CPA6: variants seen among roughly 807,000 people sequenced by gnomAD.
The protein encoded by CPA6 is carboxypeptidase A6, also known as carboxypeptidase B.
In CPA6, 58 loss-of-function variants were observed where a neutral mutation model predicts 63.3. The observed-to-expected ratio is 0.92, with a 90% CI of 0.74 to 1.14. CPA6 has a LOEUF of 1.14. Ranked by LOEUF, CPA6 falls within the 50% of genes most tolerant of loss-of-function variation. The probability of loss-of-function intolerance (pLI) is 0.00; values close to 1 mark genes in which losing one functional copy is unlikely to be tolerated. For missense variants in CPA6, 565 were observed against 526.6 expected (o/e 1.07, Z -0.71); for synonymous variants, 185 against 179.0 (o/e 1.03, Z -0.27).
chr8:67,745,578 C>CA (rs367575021), intron 1 of CPA6, among the ~76,000 whole-genome samples: 6,151 of 148,922 alleles, frequency 0.041, 176 homozygotes, highest in Non-Finnish European at 0.056. Context: ...TAAGCACAGA[C>CA]AAAAAAAAAA....
In CPA6 at chr8:67,746,291, A is replaced by G; in HGVS notation, c.-162T>C. ...ACACTTCTCTCCAGCTACAAGGGAA[A>G]AAAAAAGTTCAGGCAGCTGAGGAAG... On this transcript the variant is annotated 5_prime_UTR_variant, in exon 1 of 11. Coordinates refer to ENST00000297770, the MANE Select transcript of CPA6 (RefSeq NM_020361.5). 2.0e-6 allele frequency: 1 copy of G among 493,240 alleles called. No individual in the cohort carries two copies. Among genetic ancestry groups the G allele is most frequent in the Non-Finnish European group, 3.7e-6 (1 of 271,594 alleles). 30.6% of individuals were successfully genotyped at this position (493,240 alleles called of 1,614,324 possible).
In CPA6 at chr8:67,514,400, T is replaced by TA. The variant is rs1367683808; in HGVS notation, c.318-2746dup. ...ACATGAGGTCACATTATCTCCACTT[T>TA]AAAAATCACTATAGCTATACATTAT... On this transcript the variant is annotated intron_variant, in intron 3 of 10. Transcript: ENST00000297770. Among the ~76,000 whole-genome samples, 5 of 152,318 alleles carry TA rather than the reference T, an allele frequency of 3.3e-5. No homozygotes were observed. The East Asian group carries it at 9.6e-4, about 29-fold the overall frequency.
intron 1 of CPA6, among the ~76,000 whole-genome samples, chr8:67,677,092 ACTC>A (rs1233902679): frequency 6.6e-6 from 1 of 151,872 alleles, no homozygotes; most frequent in Admixed American, 6.6e-5. Flanking sequence ...GTTAGTGCTG[ACTC>A]CTCCGTCAGG....
At chr8:67,677,343 T>TTC (rs368068578) in intron 1 of CPA6, among the ~76,000 whole-genome samples, 2 of 10,728 alleles carry the variant, frequency 1.9e-4, no homozygotes, top group African/African-American at 9.1e-4. Flanking sequence ...AAACACCTTC[T>TTC]TTTTTTTTTT....
At chr8:67,646,429 A>G (rs1356226865) in intron 1 of CPA6, among the ~76,000 whole-genome samples, 1 of 152,148 alleles carries the variant, frequency 6.6e-6, no homozygotes, top group Non-Finnish European at 1.5e-5. Flanking sequence ...TATTGGCTTC[A>G]TGGGATCGAA....
chr8:67,650,308 T>G (rs926060785), intron 1 of CPA6, among the ~76,000 whole-genome samples: 2 of 152,086 alleles, frequency 1.3e-5, no homozygotes, highest in African/African-American at 4.8e-5. Context: ...AGAAAATTAT[T>G]TGTATATAAA....
At position 67,610,161 on chromosome 8, in the gene CPA6, G is replaced by C. The variant is rs540499895; in HGVS notation, c.192+14015C>G. ...AGGCTGAGGCAGGAGGATTGCTTGA[G>C]CCCAGAAGTTCGAGACCAACCTGGG... On this transcript the variant is annotated intron_variant, in intron 2 of 10. Transcript: ENST00000297770. 9.9e-5 allele frequency among the ~76,000 whole-genome samples: 15 copies of C among 152,174 alleles called. 1 individual carries two copies. Among genetic ancestry groups the C allele is most frequent in the Non-Finnish European group, 2.1e-4 (14 of 68,030 alleles).
intron 2 of CPA6, among the ~76,000 whole-genome samples, chr8:67,595,887 C>T (rs575959683): frequency 6.6e-6 from 1 of 152,252 alleles, no homozygotes; most frequent in East Asian, 1.9e-4. Flanking sequence ...TGTGCTGCAC[C>T]CACTGTCCTG....
At chr8:67,543,147 G>A (rs1433556628) in intron 2 of CPA6, among the ~76,000 whole-genome samples, 2 of 152,158 alleles carry the variant, frequency 1.3e-5, no homozygotes, top group African/African-American at 2.4e-5. Context: ...TTTTTAGTGT[G>A]TAATGTTATA....
chr8:67,717,465 C>G (rs1423919018), intron 1 of CPA6, among the ~76,000 whole-genome samples: 1 of 152,174 alleles, frequency 6.6e-6, no homozygotes, highest in Non-Finnish European at 1.5e-5. Context: ...TAAAATTCTT[C>G]AAAAACATAC....
intron 1 of CPA6, among the ~76,000 whole-genome samples, chr8:67,684,001 G>GTGTATATATA (rs1214064613): frequency 9.4e-5 from 11 of 116,982 alleles, no homozygotes; most frequent in African/African-American, 3.4e-4. Flanking sequence ...ATTTTAAAAT[G>GTGTATATATA]TATATATATA....
chr8:67,694,318 G>A (rs1169806319), intron 1 of CPA6, among the ~76,000 whole-genome samples: 1 of 152,218 alleles, frequency 6.6e-6, no homozygotes, highest in Non-Finnish European at 1.5e-5. Flanking sequence ...TTTAGAGAAA[G>A]GCCTTGCCAT....
At chr8:67,549,189 T>C (rs1812886795) in intron 2 of CPA6, among the ~76,000 whole-genome samples, 1 of 152,138 alleles carries the variant, frequency 6.6e-6, no homozygotes, top group African/African-American at 2.4e-5. Flanking sequence ...ACAGAAATAA[T>C]CAGAAATATA....
chr8:67,441,570 C>A lies in CPA6; in HGVS notation c.839-7330G>T, dbSNP rs534756941. ...AAGAGCAGAGAAGGGCTTATCCTAC[C>A]AGGTATTAAAACATACATAGGTATA... On this transcript the variant is annotated intron_variant, in intron 8 of 10. Coordinates refer to ENST00000297770, the MANE Select transcript of CPA6 (RefSeq NM_020361.5). 5.9e-5 allele frequency among the ~76,000 whole-genome samples: 9 copies of A among 152,002 alleles called. No individual in the cohort carries two copies. The South Asian group carries it at 1.9e-3, about 31-fold the overall frequency.
At chr8:67,433,309 T>G (rs897889334) in intron 9 of CPA6, among the ~76,000 whole-genome samples, 22 of 152,214 alleles carry the variant, frequency 1.4e-4, no homozygotes, top group Admixed American at 5.9e-4. Context: ...TTAGTTTTTC[T>G]TGGTTTTTGA....
At position 67,424,321 on chromosome 8, in the gene CPA6, G is replaced by A. The variant is rs543154902; in HGVS notation, c.1127-1630C>T. Among the ~76,000 whole-genome samples the A allele has an allele frequency of 3.4e-3, 522 of 152,196 alleles. 4 individuals are homozygous for A. Among genetic ancestry groups the A allele is most frequent in the Middle Eastern group, 6.8e-3 (2 of 294 alleles). On this transcript the variant is annotated intron_variant, in intron 10 of 10. Coordinates refer to ENST00000297770, the MANE Select transcript of CPA6 (RefSeq NM_020361.5). ...TTCCTCCCCCACCCCACCCCTGTCC[G>A]TGGAATAACTGTCTTCCATGAAACC...
At chr8:67,608,428 A>G (rs1814722557) in intron 2 of CPA6, among the ~76,000 whole-genome samples, 1 of 152,170 alleles carries the variant, frequency 6.6e-6, no homozygotes, top group Non-Finnish European at 1.5e-5. Context: ...GATTGGCCAC[A>G]GGATGGCCAA....
At chr8:67,498,521 GCGAGAC>G (rs1381795305) in intron 6 of CPA6, among the ~76,000 whole-genome samples, 1 of 128,394 alleles carries the variant, frequency 7.8e-6, no homozygotes, top group African/African-American at 3.0e-5. Flanking sequence ...GGGTGACAGA[GCGAGAC>G]TCCATCTCAA....
intron 1 of CPA6, among the ~76,000 whole-genome samples, chr8:67,714,427 G>T (rs1278714187): frequency 6.6e-6 from 1 of 152,202 alleles, no homozygotes; most frequent in African/African-American, 2.4e-5. Flanking sequence ...TCTGCCTTCA[G>T]GCATAACGTT....
Sources: gnomAD v4.1 joint callset for allele counts (sites outside exome capture counted in the v4.1 genomes callset) on GRCh38, gnomAD v4.1.1 for gene constraint, MANE v1.5 for transcripts, NCBI Gene and HGNC (gene_info 2026-07-23, HGNC 2026-07-21) for gene names.